The following SMC1B variants were observed in gnomAD, a reference collection of about 807,000 sequenced individuals.
The protein encoded by SMC1B is structural maintenance of chromosomes 1B, also known as structural maintenance of chromosomes protein 1B.
Under a neutral mutation model 157.9 loss-of-function variants are expected in SMC1B, and 60 were observed. The observed-to-expected ratio is 0.38, with a 90% CI of 0.31 to 0.47. SMC1B has a LOEUF of 0.47. Ranked by LOEUF, SMC1B falls within the 20% of genes least tolerant of loss-of-function variation. The pLI is 0.99. For missense variants in SMC1B, 1,165 were observed against 1,426.2 expected (o/e 0.82, Z 2.95); for synonymous variants, 445 against 483.0 (o/e 0.92, Z 1.03).
Position 45,389,802 on chromosome 22 carries a change from T to G in SMC1B, c.1641A>C (p.Val547=). ...VFGRFITAIV[V]ASEKVAKDCI... ...AATCTTTTGCTACCTTTTCAGAGGC[T>G]ACAACAATGGCAGTGATGAACCGGC... is the stretch of plus-strand genomic sequence containing the variant. Residue 547 remains valine (V), a synonymous_variant, in exon 10 of 25, where the codon GTA becomes GTC. Transcript: ENST00000357450. The G allele has an allele frequency of 6.2e-7, 1 of 1,614,072 alleles. No homozygotes were observed. Among genetic ancestry groups the G allele is most frequent in the East Asian group, 2.2e-5 (1 of 44,872 alleles).
intron 12 of SMC1B, among the ~76,000 whole-genome samples, chr22:45,377,636 CAA>C (rs146368901): frequency 1.2e-3 from 147 of 120,500 alleles, no homozygotes; most frequent in African/African-American, 3.6e-3. Flanking sequence ...GACTCTGTCT[CAA>C]AAAAAAAAAA....
Position 45,361,819 on chromosome 22 carries a change from A to T in SMC1B, c.2708+20T>A, listed in dbSNP as rs2086724349. ...TTAAAACTCTGACTAGGTCTTTCAA[A>T]CTGATGAAGTCTTAATTACCTATCA... On this transcript the variant is annotated intron_variant, in intron 17 of 24. Transcript: ENST00000357450. 1.2e-6 allele frequency: 2 copies of T among 1,608,488 alleles called. No individual in the cohort carries two copies. The highest frequency in any genetic ancestry group is 2.7e-5 in the African/African-American group (2 of 74,562).
At position 45,408,729 on chromosome 22, in the gene SMC1B, T is replaced by C; in HGVS notation, c.279A>G (p.Thr93=). ...IYVEESGEEK[T]FARIIRGGCS... ...AAATACCTCGGATAATCCTTGCAAA[T>C]GTTTTCTCTTCGCCACTTTCCTCCA... Residue 93 remains threonine (T), a synonymous_variant, in exon 2 of 25, where the codon ACA becomes ACG. Transcript: ENST00000357450. 6.3e-7 allele frequency: 1 copy of C among 1,593,310 alleles called. No homozygotes were observed. The highest frequency in any genetic ancestry group is 8.5e-7 in the Non-Finnish European group (1 of 1,173,336).
intron 23 of SMC1B, 68 bp from the exon 24 acceptor site, chr22:45,345,637 T>C (rs575185869): frequency 6.4e-6 from 6 of 934,678 alleles, no homozygotes; most frequent in Non-Finnish European, 1.1e-5. Context: ...GAGACAGTAA[T>C]TCTGCATGTC....
intron 12 of SMC1B, among the ~76,000 whole-genome samples, chr22:45,375,624 C>T (rs1054607142): frequency 2.0e-5 from 3 of 152,104 alleles, no homozygotes; most frequent in African/African-American, 7.2e-5. Flanking sequence ...AAATAATTTC[C>T]ACTAATTAGT....
chr22:45,391,953 T>C (rs2087063397), intron 9 of SMC1B, among the ~76,000 whole-genome samples: 1 of 151,982 alleles, frequency 6.6e-6, no homozygotes, highest in Admixed American at 6.6e-5. Flanking sequence ...AATTCACCAG[T>C]GTTTTTTTGT....
At chr22:45,413,370 G>A in intron 1 of SMC1B, 89 bp downstream of exon 1, 1 of 1,036,708 alleles carries the variant, frequency 9.6e-7, no homozygotes, top group Non-Finnish European at 1.4e-6. Flanking sequence ...AGGCGCCCGC[G>A]GCAGACGCCC....
chr22:45,372,902 CG>C (rs1290626926), intron 12 of SMC1B, among the ~76,000 whole-genome samples: 1 of 151,894 alleles, frequency 6.6e-6, no homozygotes, highest in African/African-American at 2.4e-5. Flanking sequence ...TTAGTAGAGA[CG>C]GGGGTTTCAT....
chr22:45,383,673 C>A (rs11090629), intron 11 of SMC1B, 60 bp from the exon 12 acceptor site: 3 of 1,392,958 alleles, frequency 2.2e-6, no homozygotes, highest in Admixed American at 2.5e-5. Flanking sequence ...AATAAAGACA[C>A]AATGTGTCAA....
chr22:45,408,448 T>C (rs192284722), intron 2 of SMC1B, among the ~76,000 whole-genome samples: 119 of 152,296 alleles, frequency 7.8e-4, no homozygotes, highest in African/African-American at 2.7e-3. Flanking sequence ...CTTAACTAAA[T>C]ATCCAGATTT....
chr22:45,352,725 G>A, intron 21 of SMC1B, 123 bp from the exon 22 acceptor site: 1 of 916,228 alleles, frequency 1.1e-6, no homozygotes, highest in South Asian at 1.8e-5. Context: ...AACTACCAAT[G>A]CCTATAAATA....
chr22:45,395,034 C>A (rs979844614), intron 7 of SMC1B, among the ~76,000 whole-genome samples: 1 of 152,012 alleles, frequency 6.6e-6, no homozygotes, highest in African/African-American at 2.4e-5. Context: ...TAGTTCTTAC[C>A]CCTTAACTAA....
chr22:45,370,189 T>G (rs2086817672), intron 14 of SMC1B, 129 bp from the exon 15 acceptor site: 1 of 463,730 alleles, frequency 2.2e-6, no homozygotes, highest in African/African-American at 2.0e-5. Context: ...ATTACTGTAT[T>G]CTGAGAAGCC....
chr22:45,364,889 G>A (rs1364009531), intron 15 of SMC1B, among the ~76,000 whole-genome samples: 1 of 141,008 alleles, frequency 7.1e-6, no homozygotes, highest in Non-Finnish European at 1.5e-5. Context: ...CCAGGCTGGA[G>A]AGCAGTGGCA....
chr22:45,395,192 G>A (rs1283865338), intron 7 of SMC1B, among the ~76,000 whole-genome samples: 1 of 152,156 alleles, frequency 6.6e-6, no homozygotes, highest in Non-Finnish European at 1.5e-5. Context: ...ACTAATGTCT[G>A]GTAGGAGAGA....
At chr22:45,405,594 TG>T (rs1249197826) in intron 4 of SMC1B, among the ~76,000 whole-genome samples, 1 of 151,902 alleles carries the variant, frequency 6.6e-6, no homozygotes, top group Non-Finnish European at 1.5e-5. Flanking sequence ...GTTTTATGCA[TG>T]GAAAGTTAGG....
chr22:45,352,778 T>C (rs1026246997), intron 21 of SMC1B, among the ~76,000 whole-genome samples, 176 bp from the exon 22 acceptor site: 1 of 152,206 alleles, frequency 6.6e-6, no homozygotes, highest in African/African-American at 2.4e-5. Context: ...CAGGGTTGTC[T>C]GGGTAGGCGG....
At chr22:45,349,172 G>A (rs988885889) in intron 23 of SMC1B, among the ~76,000 whole-genome samples, 14 of 150,412 alleles carry the variant, frequency 9.3e-5, no homozygotes, top group African/African-American at 2.4e-4. Flanking sequence ...CCACCACCAC[G>A]CCTAGCTAAT....
chr22:45,371,758 T>G (rs764309896), intron 13 of SMC1B, among the ~76,000 whole-genome samples, 171 bp from the exon 14 acceptor site: 1 of 152,156 alleles, frequency 6.6e-6, no homozygotes, highest in Admixed American at 6.5e-5. Flanking sequence ...TATAATATAA[T>G]CTCAATCATG....
Sources: allele counts gnomAD v4.1 joint callset (sites outside exome capture counted in the v4.1 genomes callset), GRCh38; gene constraint gnomAD v4.1.1; transcripts MANE v1.5; gene names NCBI Gene and HGNC (gene_info 2026-07-23, HGNC 2026-07-21).